The following KIF26B variants were observed in gnomAD, a reference collection of about 807,000 sequenced individuals.
KIF26B encodes kinesin family member 26B, also known as kinesin-like protein KIF26B.
Under a neutral mutation model 151.2 loss-of-function variants are expected in KIF26B, and 63 were observed. The ratio of observed to expected loss-of-function variants is 0.42; its 90% CI spans 0.34 to 0.51. KIF26B has a LOEUF of 0.51. KIF26B is among the 20% of genes least tolerant of loss of function. KIF26B has a pLI of 0.07. For synonymous variants in KIF26B, 1,357 were observed against 1,262.1 expected (o/e 1.08, Z -1.59); for missense variants, 2,813 against 2,913.6 (o/e 0.97, Z 0.79).
At chr1:245,530,488 G>A (rs577013012) in intron 4 of KIF26B, among the ~76,000 whole-genome samples, 2 of 152,316 alleles carry the variant, frequency 1.3e-5, no homozygotes, top group East Asian at 3.9e-4. Flanking sequence ...ACAGAATGGA[G>A]TACTCTTCAG....
In KIF26B at chr1:245,687,934, A is replaced by G. The variant is rs1182691302; in HGVS notation, c.4951A>G (p.Ser1651Gly). The change falls in exon 12 of 15, where the codon AGC (serine) becomes GGC (glycine). Residue 1651 changes from serine to glycine, a missense_variant. This residue lies in a region of KIF26B where 2,060 missense variants were observed against 2,088.6 expected (regional missense o/e 0.99). Transcript: ENST00000407071. This position sits in a 1 kb window ranked among gnomAD's most constrained non-coding sequence, Gnocchi z 4.9. Reference sequence around the variant, plus strand: ...CGGCAAGACGAAGGACGCCAGCAGCAGCAGCAAGCTCTTCAGTGCCAAGCT... The same window carrying G: ...CGGCAAGACGAAGGACGCCAGCAGCGGCAGCAAGCTCTTCAGTGCCAAGCT... ...PSGKTKDASS[S>G]SKLFSAKLEQ... is the part of the protein sequence containing the mutation. 2.5e-6 allele frequency: 4 copies of G among 1,595,002 alleles called. No individual in the cohort carries two copies. Among genetic ancestry groups the G allele is most frequent in the Non-Finnish European group, 3.4e-6 (4 of 1,172,566 alleles).
rs1376667510 is a variant in KIF26B, at chr1:245,218,563, A to G, written c.465+61880A>G. On this transcript the variant is annotated intron_variant, in intron 2 of 14. Transcript: ENST00000407071. The surrounding 1 kb of genome is among the most constrained non-coding windows in gnomAD (Gnocchi z 4.1). ...GAATATCAACTCTCTATGGAAGAAC[A>G]AGAACCGAGGTGTCTCTTCTGCCCC... Among the ~76,000 whole-genome samples, 1 of 152,164 alleles carries G rather than the reference A, an allele frequency of 6.6e-6. No homozygotes were observed. Among genetic ancestry groups the G allele is most frequent in the African/African-American group, 2.4e-5 (1 of 41,432 alleles).
At position 245,563,004 on chromosome 1, in the gene KIF26B, C is replaced by T. The variant is rs2103117761; in HGVS notation, c.1350+22054C>T. Among the ~76,000 whole-genome samples the T allele has an allele frequency of 6.6e-6, 1 of 152,328 alleles. No individual in the cohort carries two copies. The highest frequency in any genetic ancestry group is 2.1e-4 in the South Asian group (1 of 4,824). The stretch of plus-strand genomic sequence containing the variant: ...ATAGAATTACAAGTGTAAGCCACCA[C>T]ACTTGTCCATCATTGCCTTTTAATC... On this transcript the variant is annotated intron_variant, in intron 5 of 14. Transcript: ENST00000407071. This position sits in a 1 kb window ranked among gnomAD's most constrained non-coding sequence, Gnocchi z 4.6.
At chr1:245,509,560 A>G (rs567105226) in intron 4 of KIF26B, among the ~76,000 whole-genome samples, 7 of 152,262 alleles carry the variant, frequency 4.6e-5, no homozygotes, top group East Asian at 1.9e-4. Flanking sequence ...ACGTCATTCA[A>G]TTTTCATCCA....
intron 10 of KIF26B, among the ~76,000 whole-genome samples, chr1:245,679,556 C>T (rs1210491543): frequency 6.8e-6 from 1 of 147,102 alleles, no homozygotes; most frequent in Non-Finnish European, 1.5e-5. Context: ...GCAACCTCTG[C>T]CTCCTGGGTT....
In KIF26B at chr1:245,597,696, T is replaced by A. The variant is rs1331284109; in HGVS notation, c.1351-4881T>A. Among the ~76,000 whole-genome samples, 1 of 152,176 alleles carries A rather than the reference T, an allele frequency of 6.6e-6. No homozygotes were observed. Among genetic ancestry groups the A allele is most frequent in the Non-Finnish European group, 1.5e-5 (1 of 68,038 alleles). Reference sequence around the variant, plus strand: ...GGCCTGTCCTGCTAGTTTGAGGAAATTCTCCTGGATAATATCCTGAAGAGT... The same window carrying A: ...GGCCTGTCCTGCTAGTTTGAGGAAAATCTCCTGGATAATATCCTGAAGAGT... On this transcript the variant is annotated intron_variant, in intron 5 of 14. Transcript: ENST00000407071. This position sits in a 1 kb window ranked among gnomAD's most constrained non-coding sequence, Gnocchi z 4.6.
At chr1:245,524,353 A>C (rs1169514501) in intron 4 of KIF26B, among the ~76,000 whole-genome samples, 1 of 152,154 alleles carries the variant, frequency 6.6e-6, no homozygotes, top group Non-Finnish European at 1.5e-5. Context: ...CAGGATTTGA[A>C]CCAAGCCTAT....
chr1:245,650,600 G>A (rs2044004588), intron 10 of KIF26B, among the ~76,000 whole-genome samples: 3 of 152,266 alleles, frequency 2.0e-5, no homozygotes, highest in Admixed American at 2.0e-4. Flanking sequence ...GCACACACCT[G>A]TCATGCAGGC....
intron 3 of KIF26B, among the ~76,000 whole-genome samples, chr1:245,405,834 A>T (rs1036152785): frequency 5.3e-5 from 8 of 152,128 alleles, no homozygotes; most frequent in Non-Finnish European, 1.2e-4. Flanking sequence ...GTATTTCTGC[A>T]GTTGGCAAAC....
In KIF26B at chr1:245,220,725, AT is replaced by A. The variant is rs572285326; in HGVS notation, c.465+64044del. 2.5e-4 allele frequency among the ~76,000 whole-genome samples: 38 copies of A among 152,022 alleles called. No homozygotes were observed. The East Asian group carries it at 6.4e-3, about 26-fold the overall frequency. On this transcript the variant is annotated intron_variant, in intron 2 of 14. Transcript: ENST00000407071. ...TTCTTTAACTACCAGAAACACCAGCATTGTTTCAGAAAGCCACAGAATTTCC... is the reference window on the plus strand; with the variant it reads ...TTCTTTAACTACCAGAAACACCAGCATGTTTCAGAAAGCCACAGAATTTCC...
intron 4 of KIF26B, among the ~76,000 whole-genome samples, chr1:245,505,635 TC>T (rs1478025887): frequency 6.6e-6 from 1 of 152,206 alleles, no homozygotes; most frequent in Admixed American, 6.5e-5. Flanking sequence ...TCCAGCCACC[TC>T]AGCCTCCCAA....
rs551992373 is a variant in KIF26B at position 245,176,744 on chromosome 1, G to A, written c.465+20061G>A. ...TGGCTCACAGGATGGGCTAGCAGGC[G>A]ATGGGGCCTTTGACTTTCAGATTAG... On this transcript the variant is annotated intron_variant, in intron 2 of 14. Coordinates refer to ENST00000407071, the MANE Select transcript of KIF26B (RefSeq NM_018012.4). Among the ~76,000 whole-genome samples the A allele has an allele frequency of 5.9e-5, 9 of 152,176 alleles. No individual in the cohort carries two copies. In the South Asian group the frequency reaches 1.5e-3, roughly 25 times the overall value.
intron 4 of KIF26B, among the ~76,000 whole-genome samples, chr1:245,534,200 T>A (rs1661439971): frequency 6.6e-6 from 1 of 151,876 alleles, no homozygotes; most frequent in African/African-American, 2.4e-5. Flanking sequence ...TCTCGTGCTG[T>A]CCCCCAGGCT....
At chr1:245,229,314 A>T (rs75069715) in intron 2 of KIF26B, among the ~76,000 whole-genome samples, 3 of 152,108 alleles carry the variant, frequency 2.0e-5, no homozygotes, top group Non-Finnish European at 4.4e-5. Flanking sequence ...TATATTGTCA[A>T]ATTCCCAAAC....
intron 1 of KIF26B, 30 bp downstream of exon 1, chr1:245,155,517 C>G: frequency 6.3e-7 from 1 of 1,575,706 alleles, no homozygotes; most frequent in Non-Finnish European, 8.7e-7. Context: ...CGCGGAGACG[C>G]GTTACCAGAC....
intron 4 of KIF26B, among the ~76,000 whole-genome samples, chr1:245,428,002 C>T (rs1325951673): frequency 6.6e-6 from 1 of 152,162 alleles, no homozygotes; most frequent in Non-Finnish European, 1.5e-5. Context: ...GGTGGAACCA[C>T]CTCCTCTGGG....
chr1:245,234,901 G>T (rs560254634), intron 2 of KIF26B, among the ~76,000 whole-genome samples: 1 of 152,260 alleles, frequency 6.6e-6, no homozygotes, highest in African/African-American at 2.4e-5. Flanking sequence ...TAGCCAATCC[G>T]TTGGACACCC....
At chr1:245,400,053 G>A (rs1273456773) in intron 3 of KIF26B, among the ~76,000 whole-genome samples, 1 of 152,190 alleles carries the variant, frequency 6.6e-6, no homozygotes, top group African/African-American at 2.4e-5. Context: ...GTGAAAGACT[G>A]AGAGAAGACA....
At chr1:245,189,676 T>G (rs1034098462) in intron 2 of KIF26B, among the ~76,000 whole-genome samples, 2 of 151,982 alleles carry the variant, frequency 1.3e-5, no homozygotes, top group African/African-American at 4.8e-5. Flanking sequence ...ACCTTGCGCC[T>G]TCTCTGTGGC....
Sources: gnomAD v4.1 joint callset for allele counts (sites outside exome capture counted in the v4.1 genomes callset) on GRCh38, gnomAD v4.1.1 for gene constraint, gnomAD v4.1.1 regional missense constraint, Gnocchi (gnomAD v3.1) non-coding constraint, MANE v1.5 for transcripts, NCBI Gene and HGNC (gene_info 2026-07-23, HGNC 2026-07-21) for gene names.